The following CHRNA3 variants were observed in gnomAD, a reference collection of about 807,000 sequenced individuals.
CHRNA3 encodes the protein cholinergic receptor nicotinic alpha 3 subunit.
In CHRNA3, 34 loss-of-function variants were observed where a neutral mutation model predicts 41.9. The ratio of observed to expected loss-of-function variants is 0.81; its 90% CI spans 0.62 to 1.08. The LOEUF (loss-of-function observed/expected upper bound fraction) is 1.08, where lower values mean the gene tolerates loss of function less well. CHRNA3 is among the 50% of genes least tolerant of loss of function. The pLI, the probability that CHRNA3 is intolerant of heterozygous loss-of-function variation, is 0.00. For missense variants in CHRNA3, 542 were observed against 638.3 expected (o/e 0.85, Z 1.63); for synonymous variants, 281 against 265.2 (o/e 1.06, Z -0.58).
At chr15:78,610,857 A>T (rs2053369255) in intron 4 of CHRNA3, among the ~76,000 whole-genome samples, 1 of 152,232 alleles carries the variant, frequency 6.6e-6, no homozygotes, top group African/African-American at 2.4e-5. Flanking sequence ...AAGAAGAATC[A>T]AATAGATGCA....
rs1596068329 is a variant in CHRNA3, at chr15:78,595,432, T to G, written c.*1172A>C. 1 of 984,984 alleles carries G rather than the reference T, an allele frequency of 1.0e-6. No individual in the cohort carries two copies. Among genetic ancestry groups the G allele is most frequent in the African/African-American group, 1.7e-5 (1 of 57,352 alleles). 61.0% of individuals were successfully genotyped at this position (984,984 alleles called of 1,614,324 possible). The stretch of plus-strand genomic sequence containing the variant: ...GTTTCAGAAGTGTAGTACATGATAC[T>G]CTTAACAATTTGTCTAAAGCAATGT... On this transcript the variant is annotated 3_prime_UTR_variant, in exon 6 of 6. Transcript: ENST00000326828.
intron 4 of CHRNA3, among the ~76,000 whole-genome samples, chr15:78,616,755 G>A (rs2141344496): frequency 6.6e-6 from 1 of 152,192 alleles, no homozygotes; most frequent in East Asian, 1.9e-4. Context: ...CACTTCAAAT[G>A]CCAATTCTTC....
chr15:78,610,769 A>G (rs1247490982), intron 4 of CHRNA3, among the ~76,000 whole-genome samples: 2 of 152,064 alleles, frequency 1.3e-5, no homozygotes, highest in Non-Finnish European at 2.9e-5. Flanking sequence ...ACCCTTCAAA[A>G]AATTAATGAA....
rs774174995 is a variant in CHRNA3 at position 78,601,622 on chromosome 15, T to C, written c.1020A>G (p.Ser340=). The C allele has an allele frequency of 2.5e-6, 4 of 1,614,132 alleles. No homozygotes were observed. Among genetic ancestry groups the C allele is most frequent in the Admixed American group, 3.3e-5 (2 of 60,014 alleles). The part of the protein sequence containing the change: ...YRTPTTHTMP[S]WVKTVFLNLL... ...GGTTCAAGAATACAGTCTTCACCCA[T>C]GAGGGCATTGTGTGTGTCGTCGGGG... Residue 340 remains serine, a synonymous_variant, in exon 5 of 6, where the codon TCA becomes TCG. Transcript: ENST00000326828.
chr15:78,601,303 T>G lies in CHRNA3; in HGVS notation c.1339A>C (p.Ser447Arg), dbSNP rs1476026510. The change falls in exon 5 of 6, where the codon AGT becomes CGT. Residue 447 changes from serine to arginine, a missense_variant. Transcript: ENST00000326828. ...LSPEIKEAIQSVKYIAENMKA... is the reference protein window; with the variant it reads ...LSPEIKEAIQRVKYIAENMKA... ...ATATTTTCAGCAATATACTTGACAC[T>G]TTGGATGGCTTCTTTGATTTCTGGT... 2 of 1,614,230 alleles carry G rather than the reference T, an allele frequency of 1.2e-6. No individual in the cohort carries two copies. Among genetic ancestry groups the G allele is most frequent in the East Asian group, 2.2e-5 (1 of 44,890 alleles).
chr15:78,593,250 G>A, downstream of CHRNA3: 2 of 1,609,126 alleles, frequency 1.2e-6, no homozygotes, highest in Non-Finnish European at 1.7e-6. Flanking sequence ...ATGCAAATAA[G>A]TGAAGCCTCC....
chr15:78,593,407 TGAACA>T, downstream of CHRNA3: 1 of 661,932 alleles, frequency 1.5e-6, no homozygotes, highest in South Asian at 3.1e-5. Flanking sequence ...ATGATCCATT[TGAACA>T]GTTGGCTGTA....
chr15:78,608,843 A>G (rs571342524), intron 4 of CHRNA3, among the ~76,000 whole-genome samples: 26 of 152,280 alleles, frequency 1.7e-4, no homozygotes, highest in African/African-American at 6.0e-4. Flanking sequence ...AAAAAAAATT[A>G]GACAAATGGA....
chr15:78,602,379 A>G, intron 4 of CHRNA3, 115 bp from the exon 5 acceptor site: 1 of 1,190,804 alleles, frequency 8.4e-7, no homozygotes, highest in Admixed American at 2.7e-5. Context: ...CTGGAAGATG[A>G]GAGCTAAAGT....
In CHRNA3 at chr15:78,596,670, G is replaced by T; in HGVS notation, c.1452C>A (p.Thr484=). Residue 484 remains threonine (T), a synonymous_variant, in exon 6 of 6, where the codon ACC becomes ACA. Coordinates refer to ENST00000326828, the MANE Select transcript of CHRNA3 (RefSeq NM_000743.5). ...VIDRIFLWVF[T]LVCILGTAGL... ...CTGCTGTCCCTAGAATGCACACCAGGGTGAAAACCCACAGAAAAATACGAT... is the reference window on the plus strand; with the variant it reads ...CTGCTGTCCCTAGAATGCACACCAGTGTGAAAACCCACAGAAAAATACGAT... The T allele has an allele frequency of 6.2e-7, 1 of 1,612,744 alleles. No homozygotes were observed. The highest frequency in any genetic ancestry group is 1.7e-4 in the Middle Eastern group (1 of 6,058).
At chr15:78,616,397 G>A (rs975276245) in intron 4 of CHRNA3, among the ~76,000 whole-genome samples, 1 of 119,780 alleles carries the variant, frequency 8.3e-6, no homozygotes, top group African/African-American at 3.2e-5. Flanking sequence ...AACCATGCCA[G>A]TCAGCAGGCT....
At chr15:78,600,267 G>A (rs550257873) in intron 5 of CHRNA3, among the ~76,000 whole-genome samples, 1 of 152,148 alleles carries the variant, frequency 6.6e-6, no homozygotes, top group East Asian at 1.9e-4. Context: ...TAGAGACGGG[G>A]TTTCGCTATG....
Position 78,618,903 on chromosome 15 carries a change from G to A in CHRNA3, c.95C>T (p.Ser32Leu), listed in dbSNP as rs760065623. 1 of 1,613,488 alleles carries A rather than the reference G, an allele frequency of 6.2e-7. No homozygotes were observed. Among genetic ancestry groups the A allele is most frequent in the Non-Finnish European group, 8.5e-7 (1 of 1,180,002 alleles). Residue 32 changes from serine to leucine, a missense_variant, in exon 2 of 6, where the codon TCA (serine) becomes TTA (leucine). Physicochemically the swap from Ser to Leu is moderately radical, Grantham distance 145. Coordinates refer to ENST00000326828, the MANE Select transcript of CHRNA3 (RefSeq NM_000743.5). ...LLSLLPVARA[S>L]EAEHRLFERL... is the part of the protein sequence containing the mutation. ...CTCAAATAGACGGTGCTCAGCCTCT[G>A]AGGCCCTGGCCACTGTGGGAAGCAG...
chr15:78,617,576 G>A (rs1000406683), intron 3 of CHRNA3, among the ~76,000 whole-genome samples: 10 of 152,144 alleles, frequency 6.6e-5, no homozygotes, highest in Non-Finnish European at 1.3e-4. Context: ...GAAAGATTCC[G>A]GGGGAAGAAT....
intron 1 of CHRNA3, chr15:78,619,236 C>T (rs1247013384): frequency 2.5e-6 from 1 of 393,406 alleles, no homozygotes; most frequent in Non-Finnish European, 4.6e-6. Flanking sequence ...GGCTTAACCT[C>T]TCTGAACCTG....
intron 4 of CHRNA3, among the ~76,000 whole-genome samples, chr15:78,613,772 A>AC (rs1462687669): frequency 1.5e-3 from 110 of 72,152 alleles, no homozygotes; most frequent in African/African-American, 5.8e-3. Flanking sequence ...AAACAAAAAA[A>AC]AAACCAAAAA....
At chr15:78,601,092 G>A (rs186061596) in intron 5 of CHRNA3, among the ~76,000 whole-genome samples, 161 bp downstream of exon 5, 1 of 152,062 alleles carries the variant, frequency 6.6e-6, no homozygotes, top group East Asian at 1.9e-4. Flanking sequence ...GGCTCAGAGA[G>A]GTGAGGTAAC....
At chr15:78,605,746 C>G (rs574883533) in intron 4 of CHRNA3, among the ~76,000 whole-genome samples, 19 of 152,198 alleles carry the variant, frequency 1.2e-4, no homozygotes, top group Admixed American at 3.3e-4. Context: ...TGGTAGAATC[C>G]AAACTCAACA....
rs538931598 is a variant in CHRNA3 at position 78,610,852 on chromosome 15, G to T, written c.377+6172C>A. 2.0e-5 allele frequency among the ~76,000 whole-genome samples: 3 copies of T among 152,124 alleles called. No individual in the cohort carries two copies. In the East Asian group the frequency reaches 5.8e-4, roughly 29 times the overall value. On this transcript the variant is annotated intron_variant, in intron 4 of 5. Transcript: ENST00000326828. ...AGCAAGACTAATAAAGCAGAAAGAA[G>T]AATCAAATAGATGCAATAAAAATTG...
Sources: gnomAD v4.1 joint callset for allele counts (sites outside exome capture counted in the v4.1 genomes callset) on GRCh38, gnomAD v4.1.1 for gene constraint, MANE v1.5 for transcripts, NCBI Gene and HGNC (gene_info 2026-07-23, HGNC 2026-07-21) for gene names.